CADM2: variants seen among roughly 807,000 people sequenced by gnomAD.
CADM2 encodes cell adhesion molecule 2, also known as immunoglobulin superfamily member 4D.
CADM2 carries 12 observed loss-of-function variants against 49.8 expected under a neutral mutation model. The ratio of observed to expected loss-of-function variants is 0.24; its 90% confidence interval spans 0.15 to 0.39. CADM2 has a LOEUF of 0.39. CADM2 is among the 10% of genes least tolerant of loss of function. The pLI is 1.00. For synonymous variants in CADM2, 214 were observed against 175.4 expected, an observed-to-expected ratio of 1.22 and a Z score of -1.74; for missense variants, 378 against 492.3, an observed-to-expected ratio of 0.77 and a Z score of 2.20.
chr3:85,500,450 T>G (rs530438181), intron 1 of CADM2, among the ~76,000 whole-genome samples: 61 of 152,208 alleles, frequency 4.0e-4, no homozygotes, highest in African/African-American at 1.4e-3. Context: ...AATAATGGTG[T>G]GTCTTATAAT....
intron 1 of CADM2, among the ~76,000 whole-genome samples, chr3:85,356,860 AT>A (rs1282164011): frequency 2.6e-5 from 4 of 152,080 alleles, no homozygotes; most frequent in African/African-American, 9.7e-5. Flanking sequence ...GTGATGGGAA[AT>A]TTTTGAATGG....
At position 85,206,401 on chromosome 3, in the gene CADM2, A is replaced by G. The variant is rs1254148573; in HGVS notation, c.61+246733A>G. Among the ~76,000 whole-genome samples the G allele has an allele frequency of 8.2e-5, 12 of 146,662 alleles. 2 individuals carry two copies. The South Asian group carries it at 1.5e-3, about 18-fold the overall frequency. The stretch of plus-strand genomic sequence containing the variant: ...CGACTCACTGCAAGCTCCGCCTCCC[A>G]GGTTCACACCATTCTCCTGCCTCAG... On this transcript the variant is annotated intron_variant, in intron 1 of 9. Coordinates refer to ENST00000383699, the MANE Select transcript of CADM2 (RefSeq NM_001167675.2).
chr3:85,430,608 G>A (rs2036614726), intron 1 of CADM2, among the ~76,000 whole-genome samples: 1 of 151,518 alleles, frequency 6.6e-6, no homozygotes, highest in Non-Finnish European at 1.5e-5. Flanking sequence ...AAGGAGAAAG[G>A]GGGCGGTGGG....
chr3:85,724,804 A>G (rs1368497802), intron 1 of CADM2, among the ~76,000 whole-genome samples: 1 of 151,876 alleles, frequency 6.6e-6, no homozygotes, highest in Admixed American at 6.6e-5. Context: ...TTGCTATATT[A>G]CCTGTAATTT....
chr3:85,906,172 C>G (rs993469531), intron 5 of CADM2, among the ~76,000 whole-genome samples: 1 of 151,948 alleles, frequency 6.6e-6, no homozygotes, highest in Admixed American at 6.6e-5. Context: ...TTTGGGCATG[C>G]AATAAAACAT....
chr3:85,393,096 A>AAAT, intron 1 of CADM2, among the ~76,000 whole-genome samples: 1 of 138,210 alleles, frequency 7.2e-6, no homozygotes, highest in Admixed American at 7.4e-5. Flanking sequence ...CTTTAAAAAA[A>AAAT]AAAAAAAGAA....
intron 1 of CADM2, among the ~76,000 whole-genome samples, chr3:85,459,574 C>T (rs947672697): frequency 6.6e-6 from 1 of 152,074 alleles, no homozygotes; most frequent in African/African-American, 2.4e-5. Context: ...TTAGTGTGAC[C>T]CTAACCAGAT....
intron 1 of CADM2, among the ~76,000 whole-genome samples, chr3:85,511,045 A>G (rs561466363): frequency 5.9e-5 from 9 of 152,090 alleles, no homozygotes; most frequent in African/African-American, 1.9e-4. Context: ...TATAACCCCA[A>G]TAAGGTACTC....
At chr3:85,923,079 T>A (rs1347778869) in intron 6 of CADM2, among the ~76,000 whole-genome samples, 2 of 152,076 alleles carry the variant, frequency 1.3e-5, no homozygotes, top group Non-Finnish European at 2.9e-5. Flanking sequence ...TGCCTCGGCC[T>A]CCCAAAGTGC....
At chr3:85,216,405 A>T (rs2041928944) in intron 1 of CADM2, among the ~76,000 whole-genome samples, 1 of 149,352 alleles carries the variant, frequency 6.7e-6, no homozygotes, top group African/African-American at 2.4e-5. Flanking sequence ...TATTTATTAC[A>T]TTAATTTTAC....
intron 1 of CADM2, among the ~76,000 whole-genome samples, chr3:85,676,235 A>G (rs2065882286): frequency 6.6e-6 from 1 of 152,152 alleles, no homozygotes; most frequent in Non-Finnish European, 1.5e-5. Flanking sequence ...CTTAAAATCA[A>G]TTAGTTTTAC....
At chr3:85,728,096 C>G (rs1378337960) in intron 2 of CADM2, among the ~76,000 whole-genome samples, 1 of 152,112 alleles carries the variant, frequency 6.6e-6, no homozygotes, top group Non-Finnish European at 1.5e-5. Context: ...TTATAATACG[C>G]AGGCTGCTAA....
intron 1 of CADM2, among the ~76,000 whole-genome samples, chr3:85,304,766 C>T (rs2044175786): frequency 6.6e-6 from 1 of 151,764 alleles, no homozygotes; most frequent in African/African-American, 2.4e-5. Context: ...TTTATTGCTT[C>T]TTTCACTCCT....
chr3:85,599,856 A>C (rs2063344907), intron 1 of CADM2, among the ~76,000 whole-genome samples: 1 of 151,880 alleles, frequency 6.6e-6, no homozygotes. Flanking sequence ...TCTAATGCAC[A>C]GAAAGAATTA....
At chr3:85,172,899 A>T (rs2040665980) in intron 1 of CADM2, among the ~76,000 whole-genome samples, 1 of 145,818 alleles carries the variant, frequency 6.9e-6, no homozygotes, top group African/African-American at 2.5e-5. Context: ...ATGCAATTAT[A>T]TATTATATAT....
chr3:85,175,572 C>G (rs1434103317), intron 1 of CADM2, among the ~76,000 whole-genome samples: 1 of 151,952 alleles, frequency 6.6e-6, no homozygotes, highest in Non-Finnish European at 1.5e-5. Flanking sequence ...AAGGTGGTTA[C>G]CAAGGGCTGG....
chr3:85,443,134 T>C (rs924542475), intron 1 of CADM2, among the ~76,000 whole-genome samples: 1 of 152,096 alleles, frequency 6.6e-6, no homozygotes, highest in Non-Finnish European at 1.5e-5. Flanking sequence ...AGAGCAAGAT[T>C]GATCTCTTGT....
chr3:85,492,215 C>A (rs541190784), intron 1 of CADM2, among the ~76,000 whole-genome samples: 3 of 152,062 alleles, frequency 2.0e-5, no homozygotes, highest in Non-Finnish European at 1.5e-5. Flanking sequence ...TTATTGAAAT[C>A]TTTGTTTTGG....
rs901295977 is a variant in CADM2, at chr3:85,236,243, A to G, written c.61+276575A>G. ...TTCCCTCAGGTGTTCATATATACATATATATATGAACATGTATATATGTAG... is the reference window on the plus strand; with the variant it reads ...TTCCCTCAGGTGTTCATATATACATGTATATATGAACATGTATATATGTAG... On this transcript the variant is annotated intron_variant, in intron 1 of 9. Transcript: ENST00000383699. 3.9e-5 allele frequency among the ~76,000 whole-genome samples: 6 copies of G among 152,164 alleles called. No homozygotes were observed. In the South Asian group the frequency reaches 1.0e-3, roughly 26 times the overall value.
Sources: allele counts gnomAD v4.1 joint callset (sites outside exome capture counted in the v4.1 genomes callset), GRCh38; gene constraint gnomAD v4.1.1; transcripts MANE v1.5; gene names NCBI Gene and HGNC (gene_info 2026-07-23, HGNC 2026-07-21).